The following IQCH variants were observed in gnomAD, a reference collection of about 807,000 sequenced individuals.
The protein encoded by IQCH is IQ motif containing H, also known as IQ domain-containing protein H.
IQCH carries 98 observed loss-of-function variants against 117.0 expected under a neutral mutation model. The ratio of observed to expected loss-of-function variants is 0.84; its 90% CI spans 0.71 to 0.99. The LOEUF is 0.99. Ranked by LOEUF, IQCH falls within the 50% of genes least tolerant of loss-of-function variation. IQCH has a pLI of 0.00. For synonymous variants in IQCH, 412 were observed against 448.2 expected, an observed-to-expected ratio of 0.92 and a Z score of 1.02; for missense variants, 1,102 against 1,243.8, an observed-to-expected ratio of 0.89 and a Z score of 1.72.
At chr15:67,258,453 C>T (rs188586289) in intron 1 of IQCH, among the ~76,000 whole-genome samples, 75 of 151,806 alleles carry the variant, frequency 4.9e-4, no homozygotes, top group African/African-American at 1.8e-3. Context: ...ATCACTTGAA[C>T]CCGGGAGGTG....
At chr15:67,340,484 A>T (rs1028553727) in intron 5 of IQCH, among the ~76,000 whole-genome samples, 4 of 144,268 alleles carry the variant, frequency 2.8e-5, no homozygotes, top group Non-Finnish European at 6.1e-5. Flanking sequence ...GTCATACCTG[A>T]TTAAATAAAC....
In IQCH at chr15:67,397,651, G is replaced by T. The variant is rs149191482; in HGVS notation, c.1905+2088G>T. 4.4e-3 allele frequency among the ~76,000 whole-genome samples: 663 copies of T among 152,222 alleles called. 6 individuals carry two copies. Among genetic ancestry groups the T allele is most frequent in the African/African-American group, 0.015 (631 of 41,526 alleles). On this transcript the variant is annotated intron_variant, in intron 13 of 20. Coordinates refer to ENST00000335894, the MANE Select transcript of IQCH (RefSeq NM_001031715.3). ...CTTAAAGCTGGTGAAAGAAAGCTGC[G>T]ATTATTTTAACTTAGGTTATTATTT...
intron 1 of IQCH, among the ~76,000 whole-genome samples, chr15:67,257,471 G>C (rs1255906037): frequency 1.3e-5 from 2 of 152,220 alleles, no homozygotes; most frequent in East Asian, 1.9e-4. Context: ...CAAAGGTGTT[G>C]TAAGTATTAT....
chr15:67,298,607 T>C (rs975409420), intron 4 of IQCH, among the ~76,000 whole-genome samples: 8 of 152,154 alleles, frequency 5.3e-5, no homozygotes, highest in Admixed American at 1.3e-4. Context: ...GTCTTACTCC[T>C]GTAATTCCAG....
rs1457476794 is a variant in IQCH, at chr15:67,369,518, GGAAGGGGAAA to G, written c.754-2586_754-2577del. 6.6e-6 allele frequency among the ~76,000 whole-genome samples: 1 copy of G among 151,032 alleles called. No homozygotes were observed. Among genetic ancestry groups the G allele is most frequent in the East Asian group, 1.9e-4 (1 of 5,152 alleles). Reference sequence around the variant, plus strand: ...AAAAGAAAAAAGAGAAAGAAGAGAGGGAAGGGGAAAGAAGGGAAGGAGGGAGGGAGGAAGG... The same window carrying G: ...AAAAGAAAAAAGAGAAAGAAGAGAGGGAAGGGAAGGAGGGAGGGAGGAAGG... On this transcript the variant is annotated intron_variant, in intron 8 of 20. Transcript: ENST00000335894. This position sits in a 1 kb window ranked among gnomAD's most constrained non-coding sequence, Gnocchi z 5.2.
At chr15:67,349,479 C>T (rs1037312551) in intron 6 of IQCH, among the ~76,000 whole-genome samples, 1 of 151,516 alleles carries the variant, frequency 6.6e-6, no homozygotes, top group African/African-American at 2.4e-5. Flanking sequence ...ATTAGCCAGG[C>T]GTGGTGGTGG....
intron 16 of IQCH, among the ~76,000 whole-genome samples, chr15:67,434,889 G>C (rs373517953): frequency 6.7e-6 from 1 of 149,262 alleles, no homozygotes; most frequent in Non-Finnish European, 1.5e-5. Flanking sequence ...CGATTCTCCT[G>C]CCTCACCTAC....
rs777735907 is a variant in IQCH at position 67,254,929 on chromosome 15, C to A, written c.33C>A (p.Val11=). The change falls in exon 1 of 21, where the codon GTC becomes GTA. Residue 11 remains valine (V), a synonymous_variant. Transcript: ENST00000335894. MAQNTENHDP[V]GSILIQIHED... is the part of the protein sequence containing the mutation. ...AGAACACTGAAAACCACGACCCTGT[C>A]GGATCCATCTTAATCCAGGTGGGAA... 1 of 1,613,746 alleles carries A rather than the reference C, an allele frequency of 6.2e-7. No individual in the cohort carries two copies. The highest frequency in any genetic ancestry group is 8.5e-7 in the Non-Finnish European group (1 of 1,179,770).
In IQCH at chr15:67,458,346, C is replaced by T. The variant is rs1388720928; in HGVS notation, c.2506-6781C>T. Among the ~76,000 whole-genome samples, 1 of 152,198 alleles carries T rather than the reference C, an allele frequency of 6.6e-6. No homozygotes were observed. Among genetic ancestry groups the T allele is most frequent in the East Asian group, 1.9e-4 (1 of 5,198 alleles). Reference sequence around the variant, plus strand: ...TTTTTCTCATACTGCACATCCAATCCATCAATAAGTCCTTTTAGTTCTACT... The same window carrying T: ...TTTTTCTCATACTGCACATCCAATCTATCAATAAGTCCTTTTAGTTCTACT... On this transcript the variant is annotated intron_variant, in intron 16 of 20. Coordinates refer to ENST00000335894, the MANE Select transcript of IQCH (RefSeq NM_001031715.3). The surrounding 1 kb of genome is among the most constrained non-coding windows in gnomAD (Gnocchi z 4.1).
rs150334496 is a variant in IQCH, at chr15:67,275,509, A to G, written c.270-3886A>G. 5.3e-5 allele frequency among the ~76,000 whole-genome samples: 8 copies of G among 152,240 alleles called. No homozygotes were observed. The East Asian group carries it at 9.6e-4, about 18-fold the overall frequency. ...GGGAGCATGAAGCCAGCTTGCTTCT[A>G]TGCTGGCATTTTGGAACTGGAAGAC... On this transcript the variant is annotated intron_variant, in intron 3 of 20. Transcript: ENST00000335894.
At chr15:67,344,312 A>G (rs1337641520) in intron 6 of IQCH, 121 bp downstream of exon 6, 1 of 751,696 alleles carries the variant, frequency 1.3e-6, no homozygotes, top group Non-Finnish European at 2.1e-6. Context: ...AGTTGTAATC[A>G]TCCTGAGTTT....
intron 8 of IQCH, among the ~76,000 whole-genome samples, chr15:67,363,793 G>A (rs1198985449): frequency 6.6e-6 from 1 of 152,072 alleles, no homozygotes; most frequent in Non-Finnish European, 1.5e-5. Context: ...ACTTATAAGT[G>A]AGAACATGCA....
intron 4 of IQCH, among the ~76,000 whole-genome samples, chr15:67,281,103 C>A (rs1201701205): frequency 1.3e-5 from 2 of 152,132 alleles, no homozygotes; most frequent in Non-Finnish European, 2.9e-5. Context: ...CTTGGCCTCC[C>A]AAAGTGCTGG....
rs1326919652 is a variant in IQCH at position 67,390,566 on chromosome 15, G to A, written c.1632+1560G>A. 6.6e-6 allele frequency among the ~76,000 whole-genome samples: 1 copy of A among 152,076 alleles called. No individual in the cohort carries two copies. The highest frequency in any genetic ancestry group is 1.9e-4 in the East Asian group (1 of 5,188). On this transcript the variant is annotated intron_variant, in intron 12 of 20. Coordinates refer to ENST00000335894, the MANE Select transcript of IQCH (RefSeq NM_001031715.3). The surrounding 1 kb of genome is among the most constrained non-coding windows in gnomAD (Gnocchi z 5.0). ...TGCAGTGGTGTGATCTCAGCTGACT[G>A]CAACCTCTGCCTCCCAGGTTCAAGC...
chr15:67,340,930 C>T (rs990581120), intron 5 of IQCH, among the ~76,000 whole-genome samples: 10 of 152,272 alleles, frequency 6.6e-5, no homozygotes, highest in African/African-American at 2.4e-4. Context: ...CACAAGTGGC[C>T]AGGCGCAGCG....
intron 10 of IQCH, among the ~76,000 whole-genome samples, chr15:67,378,349 T>C (rs1482819009): frequency 6.6e-6 from 1 of 151,636 alleles, no homozygotes; most frequent in Non-Finnish European, 1.5e-5. Flanking sequence ...ATGTTGTTCC[T>C]TCCACCTCAG....
Position 67,454,174 on chromosome 15 carries a change from T to C in IQCH, c.2506-10953T>C, listed in dbSNP as rs1269829859. On this transcript the variant is annotated intron_variant, in intron 16 of 20. Coordinates refer to ENST00000335894, the MANE Select transcript of IQCH (RefSeq NM_001031715.3). The surrounding 1 kb of genome is among the most constrained non-coding windows in gnomAD (Gnocchi z 5.2). ...AAGGGAATTCCCTGACCCCTTGCGC[T>C]TCCCAGGTGGGGCGATGCCTTGCCC... Among the ~76,000 whole-genome samples, 1 of 152,248 alleles carries C rather than the reference T, an allele frequency of 6.6e-6. No homozygotes were observed. The highest frequency in any genetic ancestry group is 6.5e-5 in the Admixed American group (1 of 15,286).
At chr15:67,283,476 T>G (rs1304916090) in intron 4 of IQCH, among the ~76,000 whole-genome samples, 1 of 152,192 alleles carries the variant, frequency 6.6e-6, no homozygotes, top group Admixed American at 6.5e-5. Flanking sequence ...TATGCTATTT[T>G]ATGTTTATCA....
rs891545479 is a variant in IQCH, at chr15:67,491,885, C to G, written c.2861+1821C>G. On this transcript the variant is annotated intron_variant, in intron 19 of 20. Transcript: ENST00000335894. The surrounding 1 kb of genome is among the most constrained non-coding windows in gnomAD (Gnocchi z 4.9). ...AGGTGCTGGGGAAACAACAATGAGC[C>G]CTGCCCTCAGGAAGCTGCCACTCTA... is the stretch of plus-strand genomic sequence containing the variant. Among the ~76,000 whole-genome samples the G allele has an allele frequency of 3.3e-5, 5 of 152,008 alleles. No individual in the cohort carries two copies. Among genetic ancestry groups the G allele is most frequent in the African/African-American group, 9.7e-5 (4 of 41,374 alleles).
Sources: gnomAD v4.1 joint callset for allele counts (sites outside exome capture counted in the v4.1 genomes callset) on GRCh38, gnomAD v4.1.1 for gene constraint, Gnocchi (gnomAD v3.1) non-coding constraint, MANE v1.5 for transcripts, NCBI Gene and HGNC (gene_info 2026-07-23, HGNC 2026-07-21) for gene names.